The following RGS20 variants were observed in gnomAD, a reference collection of about 807,000 sequenced individuals.
The protein encoded by RGS20 is regulator of G protein signaling 20, also known as gz-selective GTPase-activating protein.
A neutral mutation model predicts 33.6 loss-of-function variants in RGS20; 30 were observed. That is an observed-to-expected ratio of 0.89 (90% CI 0.67 to 1.21). RGS20 has a LOEUF of 1.21. RGS20 is among the 50% of genes most tolerant of loss of function. RGS20 has a pLI of 0.00. For missense variants in RGS20, 472 were observed against 502.4 expected (o/e 0.94, Z 0.58); for synonymous variants, 208 against 197.9 (o/e 1.05, Z -0.43).
intron 1 of RGS20, among the ~76,000 whole-genome samples, chr8:53,862,159 C>G (rs985768008): frequency 2.6e-5 from 4 of 152,094 alleles, no homozygotes; most frequent in African/African-American, 9.7e-5. Context: ...TTGGACTCTT[C>G]GCCAACATCC....
At chr8:53,945,760 G>A (rs1387596324) in intron 3 of RGS20, among the ~76,000 whole-genome samples, 3 of 152,038 alleles carry the variant, frequency 2.0e-5, no homozygotes, top group Non-Finnish European at 4.4e-5. Flanking sequence ...AAAAGTAGCC[G>A]GGCGTGTTGG....
chr8:53,869,783 T>G (rs1441312565), intron 1 of RGS20, among the ~76,000 whole-genome samples: 1 of 151,742 alleles, frequency 6.6e-6, no homozygotes, highest in African/African-American at 2.4e-5. Context: ...ATGGAAAGGT[T>G]TATTGATCAC....
chr8:53,918,176 A>T (rs1245946910), intron 2 of RGS20, among the ~76,000 whole-genome samples: 1 of 152,080 alleles, frequency 6.6e-6, no homozygotes, highest in African/African-American at 2.4e-5. Context: ...AACAATCACC[A>T]CTAATTCCTG....
At position 53,958,555 on chromosome 8, in the gene RGS20, A is replaced by G; in HGVS notation, c.*97A>G. The G allele has an allele frequency of 1.8e-6, 1 of 559,130 alleles. No homozygotes were observed. Among genetic ancestry groups the G allele is most frequent in the Non-Finnish European group, 2.8e-6 (1 of 363,524 alleles). 34.6% of individuals were successfully genotyped at this position (559,130 alleles called of 1,614,324 possible). ...TAGAGGTTGTAGCATCTTCTGCTGG[A>G]GTAATACTCAGGCTATTCTAATAAC... On this transcript the variant is annotated 3_prime_UTR_variant, in exon 6 of 6. Coordinates refer to ENST00000297313, the MANE Select transcript of RGS20 (RefSeq NM_170587.4).
intron 1 of RGS20, among the ~76,000 whole-genome samples, chr8:53,865,293 C>G (rs749082208): frequency 2.6e-5 from 4 of 152,236 alleles, no homozygotes; most frequent in Non-Finnish European, 5.9e-5. Flanking sequence ...CTCTGAACAT[C>G]CATTTTAACA....
intron 5 of RGS20, among the ~76,000 whole-genome samples, chr8:53,954,998 T>C (rs1814826657): frequency 6.6e-6 from 1 of 151,568 alleles, no homozygotes; most frequent in African/African-American, 2.4e-5. Context: ...GCCATTACTT[T>C]TAACTTTTTC....
chr8:53,937,147 T>TG (rs1272949177), intron 2 of RGS20, among the ~76,000 whole-genome samples: 1 of 151,732 alleles, frequency 6.6e-6, no homozygotes, highest in Non-Finnish European at 1.5e-5. Context: ...GTCGTGGAGT[T>TG]GGGGGGAGAG....
intron 1 of RGS20, among the ~76,000 whole-genome samples, chr8:53,857,551 G>A (rs1811706296): frequency 1.3e-5 from 2 of 152,350 alleles, no homozygotes; most frequent in African/African-American, 2.4e-5. Flanking sequence ...CAAAGTATCA[G>A]TGAGATGAGA....
At chr8:53,870,476 G>T (rs115009233) in intron 1 of RGS20, among the ~76,000 whole-genome samples, 47 of 152,256 alleles carry the variant, frequency 3.1e-4, no homozygotes, top group African/African-American at 1.1e-3. Flanking sequence ...CATCATTATC[G>T]TATGGAATAA....
intron 2 of RGS20, among the ~76,000 whole-genome samples, chr8:53,929,702 GTTA>G (rs1813901270): frequency 6.6e-6 from 1 of 152,126 alleles, no homozygotes; most frequent in Non-Finnish European, 1.5e-5. Context: ...TTTGATAGAA[GTTA>G]CCTTTGACTT....
Position 53,881,067 on chromosome 8 carries a change from A to C in RGS20, c.510+1465A>C, listed in dbSNP as rs778614991. ...GGCCGGGGCTTCCTCCCCGGCCGGC[A>C]GGGTGGACGGTGGGCTCGTGAGTAT... On this transcript the variant is annotated intron_variant, in intron 2 of 5. Coordinates refer to ENST00000297313, the MANE Select transcript of RGS20 (RefSeq NM_170587.4). 6.0e-6 allele frequency: 9 copies of C among 1,507,926 alleles called. No homozygotes were observed. The Admixed American group carries it at 1.6e-4, about 27-fold the overall frequency. 93.4% of individuals were successfully genotyped at this position (1,507,926 alleles called of 1,614,324 possible).
At chr8:53,933,519 G>T (rs550062997) in intron 2 of RGS20, among the ~76,000 whole-genome samples, 1 of 152,120 alleles carries the variant, frequency 6.6e-6, no homozygotes, top group South Asian at 2.1e-4. Flanking sequence ...AGAGATTGAA[G>T]ATCAACTTAA....
chr8:53,903,582 C>T (rs1216330222), intron 2 of RGS20, among the ~76,000 whole-genome samples: 2 of 152,194 alleles, frequency 1.3e-5, no homozygotes, highest in Admixed American at 6.5e-5. Flanking sequence ...GGTGATGTCA[C>T]TTACACAGCT....
At position 53,907,742 on chromosome 8, in the gene RGS20, G is replaced by A. The variant is rs140046058; in HGVS notation, c.510+28140G>A. Among the ~76,000 whole-genome samples, 14 of 152,192 alleles carry A rather than the reference G, an allele frequency of 9.2e-5. 1 individual carries two copies. The East Asian group carries it at 2.7e-3, about 29-fold the overall frequency. On this transcript the variant is annotated intron_variant, in intron 2 of 5. Coordinates refer to ENST00000297313, the MANE Select transcript of RGS20 (RefSeq NM_170587.4). ...CATCTCATGGCTTCTTAGGATCCCA[G>A]AAAATGAATGGCAAGCTTACACTTT...
chr8:53,907,203 T>C (rs1813205135), intron 2 of RGS20, among the ~76,000 whole-genome samples: 1 of 152,172 alleles, frequency 6.6e-6, no homozygotes, highest in Admixed American at 6.5e-5. Context: ...TAACAAAGCA[T>C]GCAGATTCCT....
intron 2 of RGS20, 67 bp from the exon 2 acceptor site, chr8:53,939,508 TC>T: frequency 7.1e-7 from 1 of 1,401,814 alleles, no homozygotes; most frequent in Non-Finnish European, 9.3e-7. Flanking sequence ...AACAGCTGAC[TC>T]CCTGGGCTTA....
chr8:53,909,065 C>T (rs1230440655), intron 2 of RGS20, among the ~76,000 whole-genome samples: 1 of 150,622 alleles, frequency 6.6e-6, no homozygotes, highest in Non-Finnish European at 1.5e-5. Flanking sequence ...ATATTTATTC[C>T]TCCCAGCAAC....
chr8:53,931,865 C>A (rs1206848834), intron 2 of RGS20, among the ~76,000 whole-genome samples: 1 of 152,106 alleles, frequency 6.6e-6, no homozygotes, highest in Non-Finnish European at 1.5e-5. Context: ...ACAGAGCACT[C>A]CGACCCAGAC....
intron 3 of RGS20, among the ~76,000 whole-genome samples, chr8:53,946,222 A>AT (rs1563427223): frequency 6.6e-6 from 1 of 151,996 alleles, no homozygotes; most frequent in Non-Finnish European, 1.5e-5. Flanking sequence ...TACTATTTTC[A>AT]TTTTTTTAAT....
Sources: allele counts gnomAD v4.1 joint callset (sites outside exome capture counted in the v4.1 genomes callset), GRCh38; gene constraint gnomAD v4.1.1; transcripts MANE v1.5; gene names NCBI Gene and HGNC (gene_info 2026-07-23, HGNC 2026-07-21).